Variants in SLC25A21 observed in about 807,000 individuals in gnomAD.
The protein encoded by SLC25A21 is solute carrier family 25 member 21, also known as mitochondrial 2-oxodicarboxylate carrier.
A neutral mutation model predicts 43.8 loss-of-function variants in SLC25A21; 47 were observed. The observed-to-expected ratio is 1.07, with a 90% CI of 0.85 to 1.37. The LOEUF is 1.37. SLC25A21 is among the 40% of genes most tolerant of loss of function. SLC25A21 has a pLI of 0.00. For missense variants in SLC25A21, 352 were observed against 350.2 expected, an observed-to-expected ratio of 1.00 and a Z score of -0.04; for synonymous variants, 131 against 121.3, an observed-to-expected ratio of 1.08 and a Z score of -0.52.
Position 36,755,469 on chromosome 14 carries a change from G to A in SLC25A21, c.204-20896C>T, listed in dbSNP as rs568275208. 3.3e-5 allele frequency among the ~76,000 whole-genome samples: 5 copies of A among 152,198 alleles called. No individual in the cohort carries two copies. The South Asian group carries it at 6.2e-4, about 19-fold the overall frequency. ...ATCCCTGTCAGTGCCCTGTGGTGGC[G>A]GTCATTGATCTCTATGTGACCCAAA... On this transcript the variant is annotated intron_variant, in intron 3 of 9. Coordinates refer to ENST00000331299, the MANE Select transcript of SLC25A21 (RefSeq NM_030631.4).
chr14:36,867,790 CGTGTGTGTGTGTGTGT>C (rs10606711), intron 2 of SLC25A21, among the ~76,000 whole-genome samples: 4 of 146,128 alleles, frequency 2.7e-5, no homozygotes, highest in Non-Finnish European at 6.0e-5. Flanking sequence ...ACCATGCTTT[CGTGTGTGTGTGTGTGT>C]GTGTGTGTGT....
chr14:36,815,158 A>T (rs771482609), intron 2 of SLC25A21, among the ~76,000 whole-genome samples: 99 of 152,256 alleles, frequency 6.5e-4, no homozygotes, highest in Non-Finnish European at 1.2e-3. Context: ...ATCACACACC[A>T]GGGCCAGTTG....
At position 36,699,352 on chromosome 14, in the gene SLC25A21, G is replaced by T. The variant is rs115014240; in HGVS notation, c.603+11966C>A. ...CCAGAGGGGTGGCCACCTATATGAG[G>T]GGTCTGTGGGTCCCTTCTGGGAGGT... On this transcript the variant is annotated intron_variant, in intron 7 of 9. Transcript: ENST00000331299. 5.2e-3 allele frequency among the ~76,000 whole-genome samples: 789 copies of T among 152,242 alleles called. 10 individuals are homozygous for T. Among genetic ancestry groups the T allele is most frequent in the African/African-American group, 0.018 (751 of 41,558 alleles).
intron 1 of SLC25A21, among the ~76,000 whole-genome samples, chr14:36,976,197 A>C (rs1959868198): frequency 6.6e-6 from 1 of 152,194 alleles, no homozygotes; most frequent in African/African-American, 2.4e-5. Context: ...ATCATGCAGC[A>C]TAGGAGAGAA....
intron 2 of SLC25A21, among the ~76,000 whole-genome samples, chr14:36,823,581 T>C (rs1004547839): frequency 1.3e-5 from 2 of 152,036 alleles, no homozygotes; most frequent in African/African-American, 4.8e-5. Context: ...ATTTGGGAAA[T>C]GGGGGAAGGA....
chr14:36,763,217 T>A (rs540633316), intron 3 of SLC25A21, among the ~76,000 whole-genome samples: 8 of 152,232 alleles, frequency 5.3e-5, no homozygotes, highest in Non-Finnish European at 8.8e-5. Context: ...TTAATTATTA[T>A]CACAGAGGCC....
intron 7 of SLC25A21, among the ~76,000 whole-genome samples, chr14:36,687,767 CT>C (rs922143530): frequency 3.2e-4 from 48 of 152,218 alleles, no homozygotes; most frequent in African/African-American, 1.1e-3. Context: ...TCATCCTCTC[CT>C]GGCCACTGCC....
intron 1 of SLC25A21, among the ~76,000 whole-genome samples, chr14:37,023,796 G>T (rs1037387610): frequency 6.6e-6 from 1 of 151,306 alleles, no homozygotes; most frequent in Non-Finnish European, 1.5e-5. Context: ...TCTCCCCACC[G>T]CCATCTGCCT....
chr14:36,770,646 T>G (rs1468206224), intron 3 of SLC25A21, among the ~76,000 whole-genome samples: 2 of 152,172 alleles, frequency 1.3e-5, no homozygotes, highest in South Asian at 2.1e-4. Context: ...GTGATTTCTA[T>G]AAAACGTTAG....
At chr14:36,969,124 A>C (rs75511063) in intron 1 of SLC25A21, among the ~76,000 whole-genome samples, 2,889 of 152,326 alleles carry the variant, frequency 0.019, 88 homozygotes, top group African/African-American at 0.064. Flanking sequence ...CTTCTGCATA[A>C]TTTTCATAAC....
chr14:36,776,249 T>TC (rs1468510998), intron 3 of SLC25A21, among the ~76,000 whole-genome samples: 1 of 130,328 alleles, frequency 7.7e-6, no homozygotes, highest in Non-Finnish European at 1.6e-5. Flanking sequence ...TTTTTTTTTT[T>TC]TTTTTGAGAT....
At chr14:37,088,071 T>C (rs1475122320) in intron 1 of SLC25A21, among the ~76,000 whole-genome samples, 1 of 152,210 alleles carries the variant, frequency 6.6e-6, no homozygotes, top group African/African-American at 2.4e-5. Context: ...GCTTGGGAGA[T>C]TTTTATATCA....
intron 1 of SLC25A21, among the ~76,000 whole-genome samples, chr14:37,058,141 A>G (rs1021043771): frequency 2.0e-5 from 3 of 152,248 alleles, no homozygotes; most frequent in Non-Finnish European, 2.9e-5. Context: ...AAGCTTATCA[A>G]TGGAAAATTG....
In SLC25A21 at chr14:36,743,686, G is replaced by A. The variant is rs149993752; in HGVS notation, c.204-9113C>T. On this transcript the variant is annotated intron_variant, in intron 3 of 9. Coordinates refer to ENST00000331299, the MANE Select transcript of SLC25A21 (RefSeq NM_030631.4). ...ACTTTCACCAATCATATTCAACGTA[G>A]TACTGGAAGTCCTAGCTAGAGCAAT... Among the ~76,000 whole-genome samples the A allele has an allele frequency of 3.3e-5, 5 of 152,220 alleles. No homozygotes were observed. The East Asian group carries it at 9.7e-4, about 29-fold the overall frequency.
chr14:36,822,357 G>A (rs1033752663), intron 2 of SLC25A21, among the ~76,000 whole-genome samples: 2 of 152,112 alleles, frequency 1.3e-5, no homozygotes, highest in Admixed American at 1.3e-4. Flanking sequence ...AAAAATCTAG[G>A]GAAAGATAGA....
chr14:37,020,887 C>T (rs758319729), intron 1 of SLC25A21, among the ~76,000 whole-genome samples: 32 of 151,950 alleles, frequency 2.1e-4, no homozygotes, highest in African/African-American at 5.8e-4. Context: ...AAATGAAAAA[C>T]GGAAATAATA....
At position 36,945,212 on chromosome 14, in the gene SLC25A21, T is replaced by G. The variant is rs569693208; in HGVS notation, c.71-70208A>C. On this transcript the variant is annotated intron_variant, in intron 1 of 9. Transcript: ENST00000331299. ...GAGAAATAAGGTATGTTATCTTCAC[T>G]TAATGAAGAAACTGAGACATAAAAG... 2.6e-5 allele frequency among the ~76,000 whole-genome samples: 4 copies of G among 152,312 alleles called. No individual in the cohort carries two copies. The South Asian group carries it at 8.3e-4, about 32-fold the overall frequency.
intron 1 of SLC25A21, among the ~76,000 whole-genome samples, chr14:37,132,585 C>A (rs1251282748): frequency 6.6e-6 from 1 of 152,096 alleles, no homozygotes; most frequent in African/African-American, 2.4e-5. Context: ...CTTTAGCTTC[C>A]ACGGCACTCT....
chr14:36,841,686 G>A (rs546707892), intron 2 of SLC25A21, among the ~76,000 whole-genome samples: 2 of 152,240 alleles, frequency 1.3e-5, no homozygotes, highest in African/African-American at 4.8e-5. Flanking sequence ...TTCCGCCTAT[G>A]CATACCTTGC....
Sources: gnomAD v4.1 joint callset for allele counts (sites outside exome capture counted in the v4.1 genomes callset) on GRCh38, gnomAD v4.1.1 for gene constraint, MANE v1.5 for transcripts, NCBI Gene and HGNC (gene_info 2026-07-23, HGNC 2026-07-21) for gene names.